COL28A1: variants seen among roughly 807,000 people sequenced by gnomAD.
COL28A1 encodes collagen alpha-1(XXVIII) chain.
Under a neutral mutation model 150.2 loss-of-function variants are expected in COL28A1, and 161 were observed. The ratio of observed to expected loss-of-function variants is 1.07; its 90% CI spans 0.94 to 1.22. The LOEUF is 1.22. Among genes scored for constraint, COL28A1 ranks in the 50% most tolerant of loss-of-function variants. The pLI is 0.00. For synonymous variants in COL28A1, 552 were observed against 469.7 expected (o/e 1.18, Z -2.26); for missense variants, 1,617 against 1,388.3 (o/e 1.16, Z -2.62).
chr7:7,358,858 G>A (rs1453161837), intron 34 of COL28A1, 53 bp from the exon 35 acceptor site: 40 of 1,430,066 alleles, frequency 2.8e-5, no homozygotes, highest in South Asian at 1.3e-5. Context: ...CTGAAGACAT[G>A]AAAAATAAAA....
intron 33 of COL28A1, among the ~76,000 whole-genome samples, chr7:7,364,843 T>C (rs1332631781): frequency 6.6e-6 from 1 of 152,176 alleles, no homozygotes; most frequent in African/African-American, 2.4e-5. Context: ...CCTCTTTTTT[T>C]CCATAGCATA....
intron 27 of COL28A1, among the ~76,000 whole-genome samples, chr7:7,391,625 G>A: frequency 6.6e-6 from 1 of 152,046 alleles, no homozygotes; most frequent in Non-Finnish European, 1.5e-5. Flanking sequence ...TCTCTTTGTA[G>A]GTCTCTAAGA....
intron 27 of COL28A1, among the ~76,000 whole-genome samples, chr7:7,416,306 A>C (rs73348932): frequency 3.1e-3 from 475 of 152,346 alleles, no homozygotes; most frequent in African/African-American, 0.011. Flanking sequence ...CCCTGAGGGC[A>C]TAAGGAGAGG....
At chr7:7,491,188 C>T (rs941541777) in intron 11 of COL28A1, among the ~76,000 whole-genome samples, 1 of 152,148 alleles carries the variant, frequency 6.6e-6, no homozygotes, top group Non-Finnish European at 1.5e-5. Flanking sequence ...CTGTTCTTTG[C>T]CCTCAGAGGT....
intron 27 of COL28A1, among the ~76,000 whole-genome samples, chr7:7,415,260 A>T (rs1784003582): frequency 6.6e-6 from 1 of 152,242 alleles, no homozygotes; most frequent in Non-Finnish European, 1.5e-5. Flanking sequence ...CACTGATTCA[A>T]ATGCTCTTTG....
chr7:7,342,459 C>T, the COL28A1 span, among the ~76,000 whole-genome samples: 2 of 151,878 alleles, frequency 1.3e-5, no homozygotes, highest in African/African-American at 2.4e-5. Flanking sequence ...GGTTTAAATC[C>T]AACATTTTGT....
chr7:7,464,500 C>G (rs956616003), intron 15 of COL28A1, among the ~76,000 whole-genome samples: 4 of 152,150 alleles, frequency 2.6e-5, no homozygotes, highest in Non-Finnish European at 4.4e-5. Flanking sequence ...GAAATCAACT[C>G]CAAAATGAAC....
At chr7:7,401,440 T>G (rs1200798771) in intron 27 of COL28A1, among the ~76,000 whole-genome samples, 1 of 152,188 alleles carries the variant, frequency 6.6e-6, no homozygotes, top group Non-Finnish European at 1.5e-5. Context: ...CATTTAAAGA[T>G]TTAGCTGTAC....
At chr7:7,512,812 T>C (rs1375090026) in intron 8 of COL28A1, among the ~76,000 whole-genome samples, 1 of 152,238 alleles carries the variant, frequency 6.6e-6, no homozygotes, top group Non-Finnish European at 1.5e-5. Context: ...GGCTACCCAA[T>C]GACTCCTAGT....
intron 33 of COL28A1, among the ~76,000 whole-genome samples, chr7:7,369,500 C>G (rs541976422): frequency 6.6e-6 from 1 of 152,320 alleles, no homozygotes; most frequent in South Asian, 2.1e-4. Context: ...TTTGCTGACA[C>G]CTGGTATAGA....
intron 11 of COL28A1, among the ~76,000 whole-genome samples, chr7:7,492,678 G>C (rs779822956): frequency 5.5e-4 from 83 of 150,152 alleles, no homozygotes; most frequent in Non-Finnish European, 9.6e-4. Context: ...AGTCAAACCA[G>C]CTCCCCAGAA....
chr7:7,362,353 A>G (rs76496472), intron 33 of COL28A1, among the ~76,000 whole-genome samples: 11 of 86,846 alleles, frequency 1.3e-4, no homozygotes, highest in African/African-American at 4.4e-4. Context: ...AGTTTCTCTT[A>G]TTTGTTTGTT....
At position 7,432,593 on chromosome 7, in the gene COL28A1, T is replaced by C. The variant is rs755836400; in HGVS notation, c.1929+39A>G. 9.9e-6 allele frequency: 16 copies of C among 1,611,614 alleles called. No individual in the cohort carries two copies. The South Asian group carries it at 1.6e-4, about 17-fold the overall frequency. On this transcript the variant is annotated intron_variant, in intron 24 of 34. Coordinates refer to ENST00000399429, the MANE Select transcript of COL28A1 (RefSeq NM_001037763.3). ...TGAGCATCCTTGTAGTATGCAACAC[T>C]CAAAAAGGAGGGAGGGAAGAAAAAA...
intron 13 of COL28A1, among the ~76,000 whole-genome samples, chr7:7,489,013 A>T (rs1779773039): frequency 6.6e-6 from 1 of 152,182 alleles, no homozygotes; most frequent in Non-Finnish European, 1.5e-5. Flanking sequence ...GCTCGTAAAG[A>T]TGCAAGGTGG....
At chr7:7,533,646 C>T (rs1240513782) in intron 1 of COL28A1, among the ~76,000 whole-genome samples, 1 of 152,070 alleles carries the variant, frequency 6.6e-6, no homozygotes, top group Admixed American at 6.6e-5. Context: ...CCAAGAAGCA[C>T]CCCCTCTGAA....
intron 27 of COL28A1, among the ~76,000 whole-genome samples, chr7:7,414,825 C>T (rs892112749): frequency 2.6e-5 from 4 of 152,152 alleles, no homozygotes; most frequent in Non-Finnish European, 5.9e-5. Flanking sequence ...ATTACTTGGC[C>T]TATAGGACCT....
rs369398177 is a variant in COL28A1 at position 7,375,442 on chromosome 7, T to C, written c.2359+19A>G. ...GGCTGATGCTTTAAAGTGATGTTTT[T>C]TCCTTGATCAAATCTTACCACATAT... On this transcript the variant is annotated intron_variant, in intron 31 of 34. Transcript: ENST00000399429. 3.2e-6 allele frequency: 5 copies of C among 1,573,096 alleles called. No homozygotes were observed. The highest frequency in any genetic ancestry group is 2.7e-5 in the African/African-American group (2 of 74,064).
chr7:7,528,788 C>G (rs528713653), intron 3 of COL28A1, among the ~76,000 whole-genome samples: 12 of 152,234 alleles, frequency 7.9e-5, no homozygotes, highest in Non-Finnish European at 1.8e-4. Flanking sequence ...GAAATGTTCT[C>G]TATCCTAATT....
chr7:7,529,148 G>A (rs981723073), intron 3 of COL28A1, among the ~76,000 whole-genome samples: 2 of 151,886 alleles, frequency 1.3e-5, no homozygotes, highest in African/African-American at 4.8e-5. Context: ...AATGAGCCGG[G>A]CATGGTGGCA....
Sources: allele counts gnomAD v4.1 joint callset (sites outside exome capture counted in the v4.1 genomes callset), GRCh38; gene constraint gnomAD v4.1.1; transcripts MANE v1.5; gene names NCBI Gene and HGNC (gene_info 2026-07-23, HGNC 2026-07-21).